Variants in CACNA2D3 observed in about 807,000 individuals in gnomAD.
CACNA2D3 encodes the protein calcium voltage-gated channel auxiliary subunit alpha2delta 3.
A neutral mutation model predicts 160.6 loss-of-function variants in CACNA2D3; 60 were observed. The observed-to-expected ratio is 0.37, with a 90% CI of 0.30 to 0.46. The LOEUF is 0.46. Ranked by LOEUF, CACNA2D3 falls within the 20% of genes least tolerant of loss-of-function variation. The probability of loss-of-function intolerance (pLI) is 1.00; values close to 1 mark genes in which losing one functional copy is unlikely to be tolerated. For missense variants in CACNA2D3, 1,205 were observed against 1,365.0 expected (o/e 0.88, Z 1.85); for synonymous variants, 558 against 492.9 (o/e 1.13, Z -1.75).
chr3:54,483,402 G>C (rs1366305244), intron 4 of CACNA2D3, among the ~76,000 whole-genome samples: 2 of 152,088 alleles, frequency 1.3e-5, no homozygotes. Flanking sequence ...ACCTTGTTAA[G>C]GTTACATAGA....
intron 11 of CACNA2D3, among the ~76,000 whole-genome samples, chr3:54,742,895 G>C (rs887655751): frequency 7.2e-5 from 11 of 152,190 alleles, no homozygotes; most frequent in African/African-American, 2.7e-4. Context: ...ACAGATCAGA[G>C]CTTTTTTATA....
chr3:54,251,518 T>A (rs950376535), intron 2 of CACNA2D3, among the ~76,000 whole-genome samples: 5 of 152,252 alleles, frequency 3.3e-5, no homozygotes, highest in Non-Finnish European at 5.9e-5. Context: ...CACTGTTTTT[T>A]GAGGATCTGC....
chr3:54,333,158 A>G (rs939847486), intron 3 of CACNA2D3, among the ~76,000 whole-genome samples: 10 of 151,940 alleles, frequency 6.6e-5, no homozygotes, highest in Non-Finnish European at 1.5e-4. Context: ...TGTGAGGGGC[A>G]TGGTGTGGTG....
chr3:54,233,488 A>G (rs747820013), intron 2 of CACNA2D3, among the ~76,000 whole-genome samples: 10 of 152,210 alleles, frequency 6.6e-5, no homozygotes, highest in African/African-American at 2.2e-4. Flanking sequence ...GATGCGTCCG[A>G]GCATATATTT....
At chr3:54,293,804 T>G (rs1703267059) in intron 2 of CACNA2D3, among the ~76,000 whole-genome samples, 1 of 152,084 alleles carries the variant, frequency 6.6e-6, no homozygotes, top group African/African-American at 2.4e-5. Flanking sequence ...GGGGAGTGAT[T>G]GATTGCAAAG....
intron 27 of CACNA2D3, chr3:54,924,519 C>G: frequency 2.0e-6 from 2 of 1,015,792 alleles, no homozygotes; most frequent in Non-Finnish European, 2.9e-6. Flanking sequence ...AAATCCACCC[C>G]TTACACACTC....
chr3:54,863,774 G>T (rs1220930797), intron 17 of CACNA2D3, among the ~76,000 whole-genome samples: 1 of 151,966 alleles, frequency 6.6e-6, no homozygotes, highest in Non-Finnish European at 1.5e-5. Context: ...AAAGGATTTT[G>T]TAATCATACT....
At chr3:54,233,768 G>A (rs1241301561) in intron 2 of CACNA2D3, among the ~76,000 whole-genome samples, 1 of 152,172 alleles carries the variant, frequency 6.6e-6, no homozygotes. Flanking sequence ...GGATCCTTAA[G>A]CGTGGAGGGT....
At chr3:54,168,425 C>T (rs183290547) in intron 2 of CACNA2D3, among the ~76,000 whole-genome samples, 135 of 152,188 alleles carry the variant, frequency 8.9e-4, no homozygotes, top group Middle Eastern at 3.4e-3. Flanking sequence ...AGTGAACAGC[C>T]GCGCAGTGAT....
At chr3:54,393,049 A>C (rs577463161) in intron 4 of CACNA2D3, among the ~76,000 whole-genome samples, 1 of 152,226 alleles carries the variant, frequency 6.6e-6, no homozygotes, top group Non-Finnish European at 1.5e-5. Flanking sequence ...AGTGCATCAA[A>C]GGAGTAACAG....
At chr3:54,384,383 C>G (rs9826277) in intron 3 of CACNA2D3, among the ~76,000 whole-genome samples, 2 of 151,964 alleles carry the variant, frequency 1.3e-5, no homozygotes, top group East Asian at 1.9e-4. Context: ...GATACATGCA[C>G]AGAAATTCTA....
intron 13 of CACNA2D3, among the ~76,000 whole-genome samples, chr3:54,795,766 T>C (rs1209190305): frequency 6.6e-6 from 1 of 152,182 alleles, no homozygotes; most frequent in Non-Finnish European, 1.5e-5. Flanking sequence ...GACCTGACTT[T>C]CTATACTAAG....
At chr3:54,457,409 AT>A (rs1431746234) in intron 4 of CACNA2D3, among the ~76,000 whole-genome samples, 2 of 152,002 alleles carry the variant, frequency 1.3e-5, no homozygotes, top group African/African-American at 4.8e-5. Flanking sequence ...TTACATTGTC[AT>A]TAGAAAATAT....
chr3:54,325,560 C>G (rs1045316984), intron 3 of CACNA2D3, among the ~76,000 whole-genome samples: 4 of 152,144 alleles, frequency 2.6e-5, no homozygotes, highest in Non-Finnish European at 5.9e-5. Context: ...GACACTGATT[C>G]AGAGGACCCT....
At chr3:54,990,843 A>C (rs1304126687) in intron 31 of CACNA2D3, among the ~76,000 whole-genome samples, 8 of 152,158 alleles carry the variant, frequency 5.3e-5, no homozygotes, top group Non-Finnish European at 1.0e-4. Context: ...AAGGAAAACC[A>C]CTGATTTATG....
At chr3:54,511,369 G>C (rs186125745) in intron 5 of CACNA2D3, among the ~76,000 whole-genome samples, 1 of 151,388 alleles carries the variant, frequency 6.6e-6, no homozygotes, top group Non-Finnish European at 1.5e-5. Context: ...TCATTCCCTT[G>C]GGACCATAGC....
At chr3:54,900,306 C>A (rs993096749) in intron 27 of CACNA2D3, among the ~76,000 whole-genome samples, 1 of 152,190 alleles carries the variant, frequency 6.6e-6, no homozygotes, top group African/African-American at 2.4e-5. Context: ...TCCCCCTAAT[C>A]CCCCTGGGGA....
intron 4 of CACNA2D3, among the ~76,000 whole-genome samples, chr3:54,470,585 T>A (rs552905010): frequency 6.6e-6 from 1 of 152,240 alleles, no homozygotes; most frequent in South Asian, 2.1e-4. Flanking sequence ...TACATAACAA[T>A]AATAACCTTA....
At chr3:54,589,095 G>T (rs770067034) in intron 9 of CACNA2D3, among the ~76,000 whole-genome samples, 5 of 151,830 alleles carry the variant, frequency 3.3e-5, no homozygotes, top group Non-Finnish European at 7.4e-5. Flanking sequence ...TGAAGTAGAA[G>T]GAATCAATCT....
Sources: gnomAD v4.1 joint callset for allele counts (sites outside exome capture counted in the v4.1 genomes callset) on GRCh38, gnomAD v4.1.1 for gene constraint, MANE v1.5 for transcripts, NCBI Gene and HGNC (gene_info 2026-07-23, HGNC 2026-07-21) for gene names.